Variants in SBF2 observed in about 807,000 individuals in gnomAD.
SBF2 encodes SET binding factor 2, also known as myotubularin-related protein 13.
A neutral mutation model predicts 225.2 loss-of-function variants in SBF2; 112 were observed. That is an observed-to-expected ratio of 0.50 (90% CI 0.43 to 0.58). The LOEUF (loss-of-function observed/expected upper bound fraction) is 0.58. Among genes scored for constraint, SBF2 ranks in the 20% least tolerant of loss-of-function variants. The probability of loss-of-function intolerance (pLI) is 0.00; values close to 1 mark genes in which losing one functional copy is unlikely to be tolerated. For missense variants in SBF2, 1,996 were observed against 2,206.2 expected (o/e 0.90, Z 1.91); for synonymous variants, 763 against 773.3 (o/e 0.99, Z 0.22).
intron 28 of SBF2, among the ~76,000 whole-genome samples, chr11:9,821,479 G>A (rs768714451): frequency 1.3e-5 from 2 of 152,178 alleles, no homozygotes; most frequent in African/African-American, 2.4e-5. Flanking sequence ...GGAGCTTTGA[G>A]AATTCTAATC....
chr11:10,228,333 C>T (rs1167466614), intron 1 of SBF2, among the ~76,000 whole-genome samples: 4 of 152,158 alleles, frequency 2.6e-5, no homozygotes, highest in Non-Finnish European at 4.4e-5. Context: ...TGCCTGATTG[C>T]CCTGGCCAGA....
Position 9,961,940 on chromosome 11 carries a change from A to C in SBF2, c.1860+17T>G. ...ATTCTCAAATAAGAGGAATAATCTG[A>C]AAGAACTACAAATTACCTGTAGAGT... is the stretch of plus-strand genomic sequence containing the variant. On this transcript the variant is annotated intron_variant, in intron 16 of 39. Coordinates refer to ENST00000256190, the MANE Select transcript of SBF2 (RefSeq NM_030962.4). 1 of 1,605,958 alleles carries C rather than the reference A, an allele frequency of 6.2e-7. No individual in the cohort carries two copies. Among genetic ancestry groups the C allele is most frequent in the Non-Finnish European group, 8.5e-7 (1 of 1,173,936 alleles).
rs556217033 is a variant in SBF2 at position 9,826,945 on chromosome 11, C to T, written c.3793+2411G>A. Among the ~76,000 whole-genome samples, 12 of 152,202 alleles carry T rather than the reference C, an allele frequency of 7.9e-5. No individual in the cohort carries two copies. In the East Asian group the frequency reaches 2.3e-3, roughly 29 times the overall value. ...CTCTGCCTCCCGGGTTCAACTGATTCTCCTGTCTCAGCCTCCTGAGTAGCT... is the reference window on the plus strand; with the variant it reads ...CTCTGCCTCCCGGGTTCAACTGATTTTCCTGTCTCAGCCTCCTGAGTAGCT... On this transcript the variant is annotated intron_variant, in intron 28 of 39. Coordinates refer to ENST00000256190, the MANE Select transcript of SBF2 (RefSeq NM_030962.4).
intron 2 of SBF2, among the ~76,000 whole-genome samples, chr11:10,182,334 T>C (rs769855355): frequency 3.9e-5 from 6 of 152,214 alleles, no homozygotes; most frequent in Admixed American, 1.3e-4. Context: ...TTCTCTCAAA[T>C]TGCTGTTGTC....
chr11:9,782,679 T>C (rs1218911684), intron 38 of SBF2, among the ~76,000 whole-genome samples: 1 of 152,086 alleles, frequency 6.6e-6, no homozygotes, highest in Non-Finnish European at 1.5e-5. Context: ...GAGACCAGCC[T>C]GACCAATATG....
chr11:10,200,938 A>T (rs1957548268), intron 1 of SBF2, among the ~76,000 whole-genome samples: 2 of 152,216 alleles, frequency 1.3e-5, no homozygotes, highest in African/African-American at 4.8e-5. Flanking sequence ...AATAATCAAA[A>T]TTTCCTGAGG....
intron 2 of SBF2, among the ~76,000 whole-genome samples, chr11:10,062,886 C>T (rs781531092): frequency 3.3e-4 from 50 of 152,106 alleles, no homozygotes; most frequent in Non-Finnish European, 4.3e-4. Context: ...GACCCAGACA[C>T]GTGAATGTTC....
chr11:9,925,958 C>T (rs954455831), intron 16 of SBF2, among the ~76,000 whole-genome samples: 7 of 109,390 alleles, frequency 6.4e-5, no homozygotes, highest in African/African-American at 1.5e-4. Flanking sequence ...TTGGAACCAA[C>T]GTGATAACGT....
chr11:10,120,780 C>A (rs1953400581), intron 2 of SBF2, among the ~76,000 whole-genome samples: 1 of 152,142 alleles, frequency 6.6e-6, no homozygotes, highest in Non-Finnish European at 1.5e-5. Flanking sequence ...CCACCACGCC[C>A]AGCTAATTTT....
intron 1 of SBF2, among the ~76,000 whole-genome samples, chr11:10,199,676 C>A (rs1466103862): frequency 6.6e-6 from 1 of 152,094 alleles, no homozygotes; most frequent in African/African-American, 2.4e-5. Flanking sequence ...CACCTGTAAT[C>A]CCAGGGATTT....
At chr11:10,131,159 A>G (rs1954029963) in intron 2 of SBF2, among the ~76,000 whole-genome samples, 1 of 152,108 alleles carries the variant, frequency 6.6e-6, no homozygotes, top group African/African-American at 2.4e-5. Flanking sequence ...AATGTGTGAG[A>G]GACTGTATTA....
At chr11:9,895,829 A>G (rs1861208286) in intron 17 of SBF2, 114 bp downstream of exon 17, 3 of 784,108 alleles carry the variant, frequency 3.8e-6, no homozygotes, top group African/African-American at 3.4e-5. Context: ...AACCGCAGAT[A>G]TATCTTAGGC....
At chr11:9,865,626 G>A (rs1246832057) in intron 17 of SBF2, among the ~76,000 whole-genome samples, 2 of 143,068 alleles carry the variant, frequency 1.4e-5, no homozygotes, top group Admixed American at 1.5e-4. Context: ...GGGAGGCGGA[G>A]GTTGCAGTGA....
intron 13 of SBF2, among the ~76,000 whole-genome samples, chr11:9,973,137 C>T (rs778601010): frequency 7.2e-5 from 11 of 152,132 alleles, no homozygotes; most frequent in East Asian, 1.9e-4. Flanking sequence ...CTAACTTGGT[C>T]GCGAAATGAC....
At chr11:9,793,058 G>C (rs1158348243) in intron 33 of SBF2, among the ~76,000 whole-genome samples, 1 of 151,450 alleles carries the variant, frequency 6.6e-6, no homozygotes, top group African/African-American at 2.4e-5. Flanking sequence ...GATTATAGGT[G>C]TGAGCCGTTG....
At chr11:10,065,712 G>A (rs1339116374) in intron 2 of SBF2, among the ~76,000 whole-genome samples, 1 of 152,178 alleles carries the variant, frequency 6.6e-6, no homozygotes, top group Non-Finnish European at 1.5e-5. Flanking sequence ...AGCACTTTGG[G>A]AGGCCAAGGC....
chr11:9,933,647 C>T (rs144381561), intron 16 of SBF2, among the ~76,000 whole-genome samples: 9 of 152,122 alleles, frequency 5.9e-5, no homozygotes, highest in Middle Eastern at 3.4e-3. Context: ...ATCTCTGGGG[C>T]GCATTTAAAG....
At chr11:10,152,267 T>A (rs1435232389) in intron 2 of SBF2, among the ~76,000 whole-genome samples, 3 of 152,130 alleles carry the variant, frequency 2.0e-5, no homozygotes. Flanking sequence ...ACACCCCATA[T>A]AGGCCGGGAG....
chr11:10,244,222 TC>T (rs1451755101), intron 1 of SBF2, among the ~76,000 whole-genome samples: 1 of 152,150 alleles, frequency 6.6e-6, no homozygotes, highest in Non-Finnish European at 1.5e-5. Flanking sequence ...TCAAACAGCT[TC>T]TTCCTTATAT....
Sources: allele counts gnomAD v4.1 joint callset (sites outside exome capture counted in the v4.1 genomes callset), GRCh38; gene constraint gnomAD v4.1.1; transcripts MANE v1.5; gene names NCBI Gene and HGNC (gene_info 2026-07-23, HGNC 2026-07-21).